EVA1C: variants seen among roughly 807,000 people sequenced by gnomAD.
EVA1C encodes eva-1 homolog C, also known as protein eva-1 homolog C.
EVA1C carries 25 observed loss-of-function variants against 45.4 expected under a neutral mutation model. The ratio of observed to expected loss-of-function variants is 0.55; its 90% CI spans 0.40 to 0.77. The LOEUF (loss-of-function observed/expected upper bound fraction) is 0.77. Among genes scored for constraint, EVA1C ranks in the 30% least tolerant of loss-of-function variants. The probability of loss-of-function intolerance (pLI) is 0.00; values close to 1 mark genes in which losing one functional copy is unlikely to be tolerated. For missense variants in EVA1C, 479 were observed against 554.8 expected (o/e 0.86, Z 1.37); for synonymous variants, 190 against 221.2 (o/e 0.86, Z 1.25).
chr21:32,430,058 G>A lies in EVA1C; in HGVS notation c.160+17045G>A, dbSNP rs139231909. ...GGCAGTACAGCTTTAGGTGAGACTA[G>A]GGCAGGGCAGAGGGGGGCACCTGGG... On this transcript the variant is annotated intron_variant, in intron 1 of 7. Transcript: ENST00000300255. Among the ~76,000 whole-genome samples the A allele has an allele frequency of 1.9e-3, 292 of 152,294 alleles. 2 individuals carry two copies. Among genetic ancestry groups the A allele is most frequent in the South Asian group, 0.011 (55 of 4,822 alleles).
intron 2 of EVA1C, among the ~76,000 whole-genome samples, chr21:32,453,791 A>C (rs1483108817): frequency 6.6e-6 from 1 of 152,244 alleles, no homozygotes; most frequent in Non-Finnish European, 1.5e-5. Flanking sequence ...ACTTTAGTAT[A>C]GCAAAGTACA....
At chr21:32,512,216 T>C (rs2037980066) in intron 7 of EVA1C, among the ~76,000 whole-genome samples, 1 of 152,146 alleles carries the variant, frequency 6.6e-6, no homozygotes, top group Non-Finnish European at 1.5e-5. Flanking sequence ...CCTATACGGG[T>C]GTGCATTCAT....
In EVA1C at chr21:32,501,433, C is replaced by A. The variant is rs571660362; in HGVS notation, c.797C>A (p.Thr266Lys). 84 of 1,592,760 alleles carry A rather than the reference C, an allele frequency of 5.3e-5. 1 individual carries two copies. In the South Asian group the frequency reaches 9.1e-4, roughly 17 times the overall value. Reference sequence around the variant, plus strand: ...CTTTTAGTTCCCAAGAACATACTCACAGCGATTGATCCAGCCATTGCTAAT... The same window carrying A: ...CTTTTAGTTCCCAAGAACATACTCAAAGCGATTGATCCAGCCATTGCTAAT... ...TYACVPKNIL[T>K]AIDPAIANLK... Residue 266 changes from threonine to lysine, a missense_variant, in exon 6 of 8, where the codon ACA (threonine) becomes AAA (lysine). Around this residue, in one of 3 missense-constraint regions of EVA1C, gnomAD observed 366 missense variants for 426.1 expected, o/e 0.86. Transcript: ENST00000300255.
At chr21:32,495,193 C>G (rs1461533053) in intron 5 of EVA1C, 23 bp downstream of exon 5, 1 of 1,610,546 alleles carries the variant, frequency 6.2e-7, no homozygotes, top group Admixed American at 1.7e-5. Flanking sequence ...CCCCGACCAG[C>G]TGCCTGATGA....
chr21:32,483,091 T>A (rs1351201733), intron 4 of EVA1C, among the ~76,000 whole-genome samples: 1 of 152,148 alleles, frequency 6.6e-6, no homozygotes, highest in African/African-American at 2.4e-5. Context: ...ACTCCTGAGT[T>A]CAAGCAATCC....
At chr21:32,447,004 C>T (rs2035387670) in intron 1 of EVA1C, among the ~76,000 whole-genome samples, 1 of 152,194 alleles carries the variant, frequency 6.6e-6, no homozygotes, top group Non-Finnish European at 1.5e-5. Flanking sequence ...GTGCTCATTT[C>T]CTTTCTTACA....
At position 32,467,813 on chromosome 21, in the gene EVA1C, T is replaced by A; in HGVS notation, c.599T>A (p.Ile200Asn). The A allele has an allele frequency of 6.2e-7, 1 of 1,612,922 alleles. No homozygotes were observed. The highest frequency in any genetic ancestry group is 8.5e-7 in the Non-Finnish European group (1 of 1,179,482). ...GGCAGGAGGACCCAGGAAAGGGACA[T>A]CTGCTCCTCCAAGGCAGAGCGGCTC... ...TYGRRTQERD[I>N]CSSKAERLPP... The change falls in exon 4 of 8, where the codon ATC (isoleucine) becomes AAC (asparagine). Residue 200 changes from isoleucine (I) to asparagine (N), a missense_variant. Physicochemically the swap from Ile to Asn is moderately radical, Grantham distance 149 (BLOSUM62 -3). Coordinates refer to ENST00000300255, the MANE Select transcript of EVA1C (RefSeq NM_058187.5).
chr21:32,453,700 A>G (rs2035672988), intron 2 of EVA1C, among the ~76,000 whole-genome samples, 192 bp downstream of exon 2: 1 of 152,252 alleles, frequency 6.6e-6, no homozygotes, highest in Non-Finnish European at 1.5e-5. Context: ...TTGTTGCCCA[A>G]CAAAACTAAA....
intron 1 of EVA1C, among the ~76,000 whole-genome samples, chr21:32,419,497 T>A (rs920880326): frequency 3.3e-5 from 5 of 152,096 alleles, no homozygotes; most frequent in Non-Finnish European, 7.4e-5. Flanking sequence ...GGTGAATCAT[T>A]TGAGGTCAGG....
chr21:32,437,586 C>T (rs1427645259), intron 1 of EVA1C, among the ~76,000 whole-genome samples: 1 of 152,208 alleles, frequency 6.6e-6, no homozygotes, highest in African/African-American at 2.4e-5. Flanking sequence ...AGCCTCAAAC[C>T]CTGCAATCGA....
At chr21:32,468,657 G>A (rs538653798) in intron 4 of EVA1C, among the ~76,000 whole-genome samples, 1 of 152,208 alleles carries the variant, frequency 6.6e-6, no homozygotes, top group East Asian at 1.9e-4. Flanking sequence ...TCCAGCACGG[G>A]AGAAAGATGT....
chr21:32,490,698 CT>C (rs2037124945), intron 4 of EVA1C, among the ~76,000 whole-genome samples: 1 of 152,100 alleles, frequency 6.6e-6, no homozygotes, highest in Non-Finnish European at 1.5e-5. Flanking sequence ...GTTTTTTTCC[CT>C]TGCTTCTGGT....
At chr21:32,442,399 C>T (rs2035208463) in intron 1 of EVA1C, among the ~76,000 whole-genome samples, 1 of 152,068 alleles carries the variant, frequency 6.6e-6, no homozygotes, top group South Asian at 2.1e-4. Flanking sequence ...ATCTTGATGC[C>T]CCTGGGTGTG....
At chr21:32,453,768 A>C (rs2035676514) in intron 2 of EVA1C, among the ~76,000 whole-genome samples, 1 of 152,208 alleles carries the variant, frequency 6.6e-6, no homozygotes, top group Non-Finnish European at 1.5e-5. Context: ...ATTTATTTGT[A>C]GGTTTACTCC....
intron 6 of EVA1C, 87 bp from the exon 7 acceptor site, chr21:32,503,839 C>T (rs2146444201): frequency 1.2e-6 from 1 of 811,534 alleles, no homozygotes; most frequent in Non-Finnish European, 2.0e-6. Context: ...TTCCGGCGGT[C>T]CCTGGGGTAG....
At chr21:32,471,302 C>A (rs1176766390) in intron 4 of EVA1C, among the ~76,000 whole-genome samples, 1 of 151,352 alleles carries the variant, frequency 6.6e-6, no homozygotes, top group African/African-American at 2.4e-5. Context: ...CTCTGTGTTC[C>A]CCTACTCCCA....
chr21:32,427,313 T>C (rs1326187322), intron 1 of EVA1C, among the ~76,000 whole-genome samples: 1 of 152,254 alleles, frequency 6.6e-6, no homozygotes, highest in Non-Finnish European at 1.5e-5. Context: ...TGCAAGACTT[T>C]ACTATTCTTT....
At chr21:32,500,674 A>C (rs1457059978) in intron 5 of EVA1C, among the ~76,000 whole-genome samples, 1 of 149,970 alleles carries the variant, frequency 6.7e-6, no homozygotes, top group African/African-American at 2.4e-5. Flanking sequence ...CTGTCTCTAG[A>C]TTTGCCTTTT....
rs2035613142 is a variant in EVA1C at position 32,452,359 on chromosome 21, A to T, written c.161-953A>T. 6.6e-6 allele frequency: 1 copy of T among 152,242 alleles called. No individual in the cohort carries two copies. Among genetic ancestry groups the T allele is most frequent in the Admixed American group, 6.5e-5 (1 of 15,286 alleles). The allele number at this position is 152,242 out of a possible 1,614,324, so 9.4% of individuals were successfully genotyped here. ...TATCCCCCCTTGCAGGGCACGTGACAGGGGCATGGCTCGCTTCTCAGTACC... is the reference window on the plus strand; with the variant it reads ...TATCCCCCCTTGCAGGGCACGTGACTGGGGCATGGCTCGCTTCTCAGTACC... On this transcript the variant is annotated intron_variant, in intron 1 of 7. Transcript: ENST00000300255. The surrounding 1 kb of genome is among the most constrained non-coding windows in gnomAD (Gnocchi z 4.0).
Sources: allele counts gnomAD v4.1 joint callset (sites outside exome capture counted in the v4.1 genomes callset), GRCh38; gene constraint gnomAD v4.1.1; regional missense constraint gnomAD v4.1.1; non-coding constraint Gnocchi (gnomAD v3.1); transcripts MANE v1.5; gene names NCBI Gene and HGNC (gene_info 2026-07-23, HGNC 2026-07-21).